Variants in CST2 observed in about 807,000 individuals in gnomAD.
CST2 encodes cystatin-SA.
CST2 carries 26 observed loss-of-function variants against 13.4 expected under a neutral mutation model. That is an observed-to-expected ratio of 1.95 (90% CI 1.43 to 2.70). CST2 has a LOEUF of 2.70. Ranked by LOEUF, CST2 falls within the 30% of genes most tolerant of loss-of-function variation. CST2 has a pLI of 0.00. For missense variants in CST2, 243 were observed against 173.4 expected (o/e 1.40, Z -2.25); for synonymous variants, 105 against 71.1 (o/e 1.48, Z -2.40).
In CST2 at chr20:23,826,362, C is replaced by T. The variant is rs148999746; in HGVS notation, c.228+71G>A. Reference sequence around the variant, plus strand: ...TGAATGTATCAGTGTTGATGTGCTGCGAATGCTCTTATGGATCGGGCAACA... The same window carrying T: ...TGAATGTATCAGTGTTGATGTGCTGTGAATGCTCTTATGGATCGGGCAACA... On this transcript the variant is annotated intron_variant, in intron 1 of 2. Transcript: ENST00000304725. 1.0e-3 allele frequency: 1,257 copies of T among 1,221,514 alleles called. 7 individuals carry two copies. In the African/African-American group the frequency reaches 0.012, roughly 11 times the overall value. The allele number at this position is 1,221,514 out of a possible 1,614,324, so 75.7% of individuals were successfully genotyped here.
chr20:23,823,987 G>A lies in CST2; in HGVS notation c.*33C>T. 1 of 1,610,092 alleles carries A rather than the reference G, an allele frequency of 6.2e-7. No homozygotes were observed. The highest frequency in any genetic ancestry group is 8.5e-7 in the Non-Finnish European group (1 of 1,176,460). Reference sequence around the variant, plus strand: ...GGAGCACTACAAGGGGTGGGAGTAGGAGGTGGTCAGTGTGACTCCCTGGCA... The same window carrying A: ...GGAGCACTACAAGGGGTGGGAGTAGAAGGTGGTCAGTGTGACTCCCTGGCA... On this transcript the variant is annotated 3_prime_UTR_variant, in exon 3 of 3. Transcript: ENST00000304725.
intron 2 of CST2, 31 bp downstream of exon 2, chr20:23,825,179 G>A: frequency 6.2e-7 from 1 of 1,613,658 alleles, no homozygotes; most frequent in Non-Finnish European, 8.5e-7. Flanking sequence ...TGCAGTGCAT[G>A]ACTGGCCTGG....
At position 23,823,859 on chromosome 20, in the gene CST2, C is replaced by G. The variant is rs890547549; in HGVS notation, c.*161G>C. ...CAAAAGGAAGGAGGGAGGGCAGAGTCCCCTGCTGAGCAACAAAGGCCTCCT... is the reference window on the plus strand; with the variant it reads ...CAAAAGGAAGGAGGGAGGGCAGAGTGCCCTGCTGAGCAACAAAGGCCTCCT... On this transcript the variant is annotated 3_prime_UTR_variant, in exon 3 of 3. Coordinates refer to ENST00000304725, the MANE Select transcript of CST2 (RefSeq NM_001322.3). The G allele has an allele frequency of 1.9e-5, 13 of 691,668 alleles. No individual in the cohort carries two copies. The highest frequency in any genetic ancestry group is 2.7e-5 in the Non-Finnish European group (11 of 401,040). 42.8% of individuals were successfully genotyped at this position (691,668 alleles called of 1,614,324 possible).
At position 23,823,938 on chromosome 20, in the gene CST2, G is replaced by GT; in HGVS notation, c.*81dup. ...GGTGCATGGGGAGACCTCCCACAGG[G>GT]TGGGGGCCACCAGTCCAGGGGTGGG... On this transcript the variant is annotated 3_prime_UTR_variant, in exon 3 of 3. Transcript: ENST00000304725. 1 of 1,339,962 alleles carries GT rather than the reference G, an allele frequency of 7.5e-7. No homozygotes were observed. The highest frequency in any genetic ancestry group is 1.9e-5 in the Admixed American group (1 of 52,392). The allele number at this position is 1,339,962 out of a possible 1,614,324, so 83.0% of individuals were successfully genotyped here. A position where few individuals can be genotyped will look rare whatever the true frequency, so the allele number is the denominator to read the frequency against.
Position 23,823,938 on chromosome 20 carries a change from G to T in CST2, c.*82C>A. 1.5e-6 allele frequency: 2 copies of T among 1,339,962 alleles called. No individual in the cohort carries two copies. The highest frequency in any genetic ancestry group is 2.1e-6 in the Non-Finnish European group (2 of 973,634). The allele number at this position is 1,339,962 out of a possible 1,614,324, so 83.0% of individuals were successfully genotyped here. A position where few individuals can be genotyped will look rare whatever the true frequency, so the allele number is the denominator to read the frequency against. ...GGTGCATGGGGAGACCTCCCACAGG[G>T]TGGGGGCCACCAGTCCAGGGGTGGG... is the stretch of plus-strand genomic sequence containing the variant. On this transcript the variant is annotated 3_prime_UTR_variant, in exon 3 of 3. Transcript: ENST00000304725.
Position 23,826,437 on chromosome 20 carries a change from T to C in CST2, c.224A>G (p.Glu75Gly). The part of the protein sequence containing the change: ...RRLLRVLRAR[E>G]QIVGGVNYFF... ...TCAGGTGGAGGCAGCACCCACCTGCTCCCTGGCTCGTAGCACCCGCAGCAG... is the reference window on the plus strand; with the variant it reads ...TCAGGTGGAGGCAGCACCCACCTGCCCCCTGGCTCGTAGCACCCGCAGCAG... The change falls in exon 1 of 3, where the codon GAG (glutamate) becomes GGG (glycine). Residue 75 changes from glutamate to glycine, a missense_variant. Transcript: ENST00000304725. The C allele has an allele frequency of 6.2e-7, 1 of 1,614,012 alleles. No homozygotes were observed. Among genetic ancestry groups the C allele is most frequent in the African/African-American group, 1.3e-5 (1 of 75,048 alleles).
At position 23,826,520 on chromosome 20, in the gene CST2, G is replaced by C. The variant is rs1309038504; in HGVS notation, c.141C>G (p.Ala47=). ...TATACTCGCTGATGACAAAGTGAAG[G>C]GCACGCTGTACCCGCTCATCATTGA... ...ADLNDERVQR[A]LHFVISEYNK... Residue 47 remains alanine (A), a synonymous_variant, in exon 1 of 3, where the codon GCC becomes GCG. Coordinates refer to ENST00000304725, the MANE Select transcript of CST2 (RefSeq NM_001322.3). 6.2e-7 allele frequency: 1 copy of C among 1,614,000 alleles called. No homozygotes were observed. The highest frequency in any genetic ancestry group is 8.5e-7 in the Non-Finnish European group (1 of 1,180,012).
chr20:23,823,923 G>A lies in CST2; in HGVS notation c.*97C>T. On this transcript the variant is annotated 3_prime_UTR_variant, in exon 3 of 3. Transcript: ENST00000304725. ...TCTTCTCCTGCTGCAGGTGCATGGG[G>A]AGACCTCCCACAGGGTGGGGGCCAC... The A allele has an allele frequency of 8.4e-7, 1 of 1,192,494 alleles. No homozygotes were observed. The highest frequency in any genetic ancestry group is 1.2e-6 in the Non-Finnish European group (1 of 845,928). 73.9% of individuals were successfully genotyped at this position (1,192,494 alleles called of 1,614,324 possible).
At position 23,823,859 on chromosome 20, in the gene CST2, C is replaced by A. The variant is rs890547549; in HGVS notation, c.*161G>T. On this transcript the variant is annotated 3_prime_UTR_variant, in exon 3 of 3. Transcript: ENST00000304725. Reference sequence around the variant, plus strand: ...CAAAAGGAAGGAGGGAGGGCAGAGTCCCCTGCTGAGCAACAAAGGCCTCCT... The same window carrying A: ...CAAAAGGAAGGAGGGAGGGCAGAGTACCCTGCTGAGCAACAAAGGCCTCCT... The A allele has an allele frequency of 2.9e-6, 2 of 691,786 alleles. No individual in the cohort carries two copies. The highest frequency in any genetic ancestry group is 5.0e-6 in the Non-Finnish European group (2 of 401,032). The allele number at this position is 691,786 out of a possible 1,614,324, so 42.9% of individuals were successfully genotyped here.
chr20:23,824,147 T>A lies in CST2; in HGVS notation c.343-44A>T, dbSNP rs1174964746. 4 of 1,601,806 alleles carry A rather than the reference T, an allele frequency of 2.5e-6. No homozygotes were observed. The African/African-American group carries it at 5.4e-5, about 21-fold the overall frequency. ...AGGGCCAATCAGTGTGAGTTACAGT[T>A]AAAGGGGAAGTCACCCAGGCATGAG... is the stretch of plus-strand genomic sequence containing the variant. On this transcript the variant is annotated intron_variant, in intron 2 of 2. Coordinates refer to ENST00000304725, the MANE Select transcript of CST2 (RefSeq NM_001322.3).
chr20:23,824,136 TGA>T, intron 2 of CST2, 33 bp from the exon 3 acceptor site: 3 of 1,608,390 alleles, frequency 1.9e-6, no homozygotes, highest in Non-Finnish European at 2.6e-6. Context: ...CCAATCAGTG[TGA>T]GTTACAGTTA....
At position 23,826,429 on chromosome 20, in the gene CST2, C is replaced by G. The variant is rs111981785; in HGVS notation, c.228+4G>C. On this transcript the variant is annotated splice_donor_region_variant and intron_variant, in intron 1 of 2. Coordinates refer to ENST00000304725, the MANE Select transcript of CST2 (RefSeq NM_001322.3). ...AGGACCCCTCAGGTGGAGGCAGCAC[C>G]CACCTGCTCCCTGGCTCGTAGCACC... 2.1e-4 allele frequency: 342 copies of G among 1,613,458 alleles called. No individual in the cohort carries two copies. The African/African-American group carries it at 4.3e-3, about 20-fold the overall frequency.
intron 2 of CST2, 144 bp from the exon 3 acceptor site, chr20:23,824,247 T>A: frequency 1.3e-6 from 1 of 779,924 alleles, no homozygotes; most frequent in Admixed American, 2.3e-5. Flanking sequence ...CCCAGAGCAC[T>A]GAACTAGAAT....
At position 23,825,317 on chromosome 20, in the gene CST2, C is replaced by T. The variant is rs1318618692; in HGVS notation, c.235G>A (p.Gly79Ser). The T allele has an allele frequency of 1.9e-6, 3 of 1,613,632 alleles. No homozygotes were observed. Among genetic ancestry groups the T allele is most frequent in the African/African-American group, 1.3e-5 (1 of 74,840 alleles). The change falls in exon 2 of 3, where the codon GGC becomes AGC. Residue 79 changes from glycine to serine, a missense_variant. Gly to Ser is a moderately conservative substitution (Grantham distance 56). Coordinates refer to ENST00000304725, the MANE Select transcript of CST2 (RefSeq NM_001322.3). ...ATGTCGAAGAAGTAATTCACCCCGC[C>T]CACGATCTACACACATGAGAAAACA... ...RVLRAREQIV[G>S]GVNYFFDIEV...
intron 1 of CST2, among the ~76,000 whole-genome samples, 173 bp from the exon 2 acceptor site, chr20:23,825,496 C>T (rs6106730): frequency 6.6e-6 from 1 of 152,256 alleles, no homozygotes; most frequent in Non-Finnish European, 1.5e-5. Context: ...GGTGCTGGGC[C>T]TCATGCCCCC....
At chr20:23,824,851 A>G (rs1984776125) in intron 2 of CST2, among the ~76,000 whole-genome samples, 1 of 150,928 alleles carries the variant, frequency 6.6e-6, no homozygotes, top group African/African-American at 2.4e-5. Flanking sequence ...CAAACACATC[A>G]CCCTCCTCCC....
intron 2 of CST2, 80 bp from the exon 3 acceptor site, chr20:23,824,183 C>T (rs1984754153): frequency 2.1e-6 from 3 of 1,449,702 alleles, no homozygotes; most frequent in Non-Finnish European, 2.9e-6. Flanking sequence ...ATGTCACAGC[C>T]TGAGTGAGGA....
rs1004349174 is a variant in CST2, at chr20:23,824,094, A to T, written c.352T>A (p.Cys118Ser). 59 of 1,613,950 alleles carry T rather than the reference A, an allele frequency of 3.7e-5. No individual in the cohort carries two copies. The highest frequency in any genetic ancestry group is 5.0e-5 in the Non-Finnish European group (59 of 1,179,954). ...EQPELQKKQL[C>S]SFQIYEVPWE... ...GGAACTTCGTAGATCTGGAAAGAGC[A>T]CAACTGTTTCTGTGAAAGGGAAGAG... is the stretch of plus-strand genomic sequence containing the variant. Residue 118 changes from cysteine to serine, a missense_variant, in exon 3 of 3, where the codon TGC (cysteine) becomes AGC (serine). Coordinates refer to ENST00000304725, the MANE Select transcript of CST2 (RefSeq NM_001322.3).
In CST2 at chr20:23,823,882, C is replaced by T. The variant is rs539684605; in HGVS notation, c.*138G>A. On this transcript the variant is annotated 3_prime_UTR_variant, in exon 3 of 3. Transcript: ENST00000304725. Reference sequence around the variant, plus strand: ...GTCCCCTGCTGAGCAACAAAGGCCTCCTGCAGCCTTCTCTGTCTTCTCCTG... The same window carrying T: ...GTCCCCTGCTGAGCAACAAAGGCCTTCTGCAGCCTTCTCTGTCTTCTCCTG... 1,117 of 885,988 alleles carry T rather than the reference C, an allele frequency of 1.3e-3. 21 individuals are homozygous for T. Among genetic ancestry groups the T allele is most frequent in the South Asian group, 2.8e-3 (172 of 60,710 alleles). 54.9% of individuals were successfully genotyped at this position (885,988 alleles called of 1,614,324 possible). A position where few individuals can be genotyped will look rare whatever the true frequency, so the allele number is the denominator to read the frequency against.
Sources: allele counts gnomAD v4.1 joint callset (sites outside exome capture counted in the v4.1 genomes callset), GRCh38; gene constraint gnomAD v4.1.1; transcripts MANE v1.5; gene names NCBI Gene and HGNC (gene_info 2026-07-23, HGNC 2026-07-21).